CD200: variants seen among roughly 807,000 people sequenced by gnomAD.
CD200 encodes CD200 molecule.
Under a neutral mutation model 30.9 loss-of-function variants are expected in CD200, and 15 were observed. The observed-to-expected ratio is 0.49, with a 90% CI of 0.32 to 0.75. The LOEUF is 0.75. CD200 is among the 30% of genes least tolerant of loss of function. CD200 has a pLI of 0.03. For synonymous variants in CD200, 134 were observed against 126.2 expected (o/e 1.06, Z -0.41); for missense variants, 262 against 324.2 (o/e 0.81, Z 1.47).
At chr3:112,342,407 T>TC (rs2081284548) in intron 2 of CD200, among the ~76,000 whole-genome samples, 4 of 74,988 alleles carry the variant, frequency 5.3e-5, no homozygotes, top group Non-Finnish European at 1.1e-4. Flanking sequence ...CTTTCTTTCT[T>TC]TCTTTCTTTC....
At chr3:112,348,559 T>G (rs1352252524) in intron 4 of CD200, among the ~76,000 whole-genome samples, 1 of 152,194 alleles carries the variant, frequency 6.6e-6, no homozygotes, top group Non-Finnish European at 1.5e-5. Flanking sequence ...TTAGCAATAA[T>G]AGCCACGTCT....
At chr3:112,354,549 A>T (rs542590374) in intron 5 of CD200, among the ~76,000 whole-genome samples, 32 of 152,340 alleles carry the variant, frequency 2.1e-4, no homozygotes, top group Admixed American at 2.1e-3. Flanking sequence ...TCTACTAACA[A>T]AAGAAGCCAA....
chr3:112,340,611 CTA>C (rs2081216795), intron 1 of CD200, among the ~76,000 whole-genome samples: 1 of 152,156 alleles, frequency 6.6e-6, no homozygotes, highest in South Asian at 2.1e-4. Context: ...CCCAGTGATC[CTA>C]TGTCTTTGAG....
At chr3:112,339,571 T>G (rs191156363) in intron 1 of CD200, among the ~76,000 whole-genome samples, 1 of 152,110 alleles carries the variant, frequency 6.6e-6, no homozygotes, top group Non-Finnish European at 1.5e-5. Flanking sequence ...AACCTGCAAG[T>G]AGTTGTTGAG....
At chr3:112,346,584 A>G (rs2081399835) in intron 3 of CD200, among the ~76,000 whole-genome samples, 1 of 151,886 alleles carries the variant, frequency 6.6e-6, no homozygotes, top group African/African-American at 2.4e-5. Context: ...TTTCATTTCT[A>G]TTTCCCTTCT....
At chr3:112,342,329 CT>C (rs1559783082) in intron 2 of CD200, among the ~76,000 whole-genome samples, 3,336 of 26,424 alleles carry the variant, frequency 0.13, 601 homozygotes, top group African/African-American at 0.17. Context: ...TTCTTTCTTT[CT>C]TTCTTTCCTT....
At chr3:112,353,385 T>G (rs1265361928) in intron 5 of CD200, among the ~76,000 whole-genome samples, 1 of 152,184 alleles carries the variant, frequency 6.6e-6, no homozygotes, top group African/African-American at 2.4e-5. Context: ...ATGTAAAATT[T>G]ATATGCCAAA....
intron 5 of CD200, among the ~76,000 whole-genome samples, chr3:112,357,202 A>G (rs2081640598): frequency 6.8e-6 from 1 of 147,746 alleles, no homozygotes; most frequent in Non-Finnish European, 1.5e-5. Context: ...CGGAGCTTGC[A>G]GTGAGCAGAG....
chr3:112,340,837 T>C (rs2081222518), intron 1 of CD200, 65 bp from the exon 2 acceptor site: 3 of 1,065,012 alleles, frequency 2.8e-6, no homozygotes, highest in Admixed American at 1.8e-5. Context: ...AGCGATTAGA[T>C]TGAAGCTTCC....
chr3:112,353,148 C>T (rs1243655565), intron 5 of CD200, among the ~76,000 whole-genome samples: 1 of 152,166 alleles, frequency 6.6e-6, no homozygotes, highest in Admixed American at 6.5e-5. Flanking sequence ...ACATATATGA[C>T]AATGTAGTTA....
intron 5 of CD200, among the ~76,000 whole-genome samples, chr3:112,351,087 T>A (rs1196819961): frequency 1.3e-5 from 2 of 152,208 alleles, no homozygotes; most frequent in African/African-American, 4.8e-5. Flanking sequence ...TGTTTGATTC[T>A]ACTTTATCCA....
At position 112,336,537 on chromosome 3, in the gene CD200, G is replaced by A. The variant is rs558069052; in HGVS notation, c.12+3313G>A. Among the ~76,000 whole-genome samples the A allele has an allele frequency of 2.1e-4, 32 of 151,950 alleles. No homozygotes were observed. In the South Asian group the frequency reaches 6.5e-3, roughly 31 times the overall value. On this transcript the variant is annotated intron_variant, in intron 1 of 5. Transcript: ENST00000315711. ...TTAAGGCAAACACCGAGAATGAGGG[G>A]ATGGGATTCCCACAGGTAGAACACC...
At position 112,349,290 on chromosome 3, in the gene CD200, G is replaced by T. The variant is rs547916492; in HGVS notation, c.695-422G>T. Among the ~76,000 whole-genome samples the T allele has an allele frequency of 9.9e-4, 150 of 152,270 alleles. 1 individual carries two copies. Among genetic ancestry groups the T allele is most frequent in the African/African-American group, 3.3e-3 (137 of 41,566 alleles). On this transcript the variant is annotated intron_variant, in intron 4 of 5. Coordinates refer to ENST00000315711, the MANE Select transcript of CD200 (RefSeq NM_005944.7). ...CATGTTTCTTTCTTTGTACTTCTCT[G>T]CATTTTCCACAATTTCCTCAATAAA...
chr3:112,357,289 A>AAGAT, intron 5 of CD200, among the ~76,000 whole-genome samples: 1 of 151,538 alleles, frequency 6.6e-6, no homozygotes, highest in South Asian at 2.1e-4. Context: ...GAAAGAAAGA[A>AAGAT]AGAAAAAGAA....
At chr3:112,341,982 A>G (rs1012951189) in intron 2 of CD200, among the ~76,000 whole-genome samples, 1 of 152,076 alleles carries the variant, frequency 6.6e-6, no homozygotes, top group Non-Finnish European at 1.5e-5. Flanking sequence ...TGTTATACCC[A>G]TCTTTCATTC....
chr3:112,345,765 C>G (rs1389991588), intron 3 of CD200, among the ~76,000 whole-genome samples: 1 of 152,188 alleles, frequency 6.6e-6, no homozygotes, highest in African/African-American at 2.4e-5. Flanking sequence ...TTGTCCTTCT[C>G]ATTTTGCTTG....
rs188956143 is a variant in CD200, at chr3:112,350,955, G to A, written c.802+1136G>A. 7.0e-4 allele frequency among the ~76,000 whole-genome samples: 107 copies of A among 152,258 alleles called. 2 individuals carry two copies. The highest frequency in any genetic ancestry group is 2.6e-4 in the Admixed American group (4 of 15,294). On this transcript the variant is annotated intron_variant, in intron 5 of 5. Coordinates refer to ENST00000315711, the MANE Select transcript of CD200 (RefSeq NM_005944.7). ...CAGTGTCAGTGGCCCTTTTGCAAAA[G>A]TAGGTAAAGGTATTTGTTCTGTCCA...
intron 2 of CD200, among the ~76,000 whole-genome samples, chr3:112,342,310 C>CCTTTCTTCTTTCT (rs2081259013): frequency 3.3e-5 from 1 of 29,940 alleles, no homozygotes; most frequent in Admixed American, 2.7e-4. Context: ...TCCTTCCTTT[C>CCTTTCTTCTTTCT]TTCTTTCTTT....
Position 112,345,812 on chromosome 3 carries a change from G to A in CD200, c.421+524G>A, listed in dbSNP as rs78669079. Among the ~76,000 whole-genome samples the A allele has an allele frequency of 4.5e-3, 687 of 152,290 alleles. 2 individuals carry two copies. Among genetic ancestry groups the A allele is most frequent in the Non-Finnish European group, 7.0e-3 (479 of 68,006 alleles). ...CTTTCAGGATTGATAAGGGCACATAGAGCAGAGCCTTTTCATACCTGAAAT... is the reference window on the plus strand; with the variant it reads ...CTTTCAGGATTGATAAGGGCACATAAAGCAGAGCCTTTTCATACCTGAAAT... On this transcript the variant is annotated intron_variant, in intron 3 of 5. Transcript: ENST00000315711.
Sources: gnomAD v4.1 joint callset for allele counts (sites outside exome capture counted in the v4.1 genomes callset) on GRCh38, gnomAD v4.1.1 for gene constraint, MANE v1.5 for transcripts, NCBI Gene and HGNC (gene_info 2026-07-23, HGNC 2026-07-21) for gene names.